The following MS4A4E variants were observed in gnomAD, a reference collection of about 807,000 sequenced individuals.
MS4A4E encodes the protein membrane spanning 4-domains A4E, also known as putative membrane-spanning 4-domains subfamily A member 4E.
In MS4A4E, 23 loss-of-function variants were observed where a neutral mutation model predicts 13.3. The ratio of observed to expected loss-of-function variants is 1.73; its 90% CI spans 1.25 to 2.45. The LOEUF is 2.45. Among genes scored for constraint, MS4A4E ranks in the 30% most tolerant of loss-of-function variants. The pLI is 0.00. For missense variants in MS4A4E, 144 were observed against 131.2 expected, an observed-to-expected ratio of 1.10 and a Z score of -0.48; for synonymous variants, 36 against 45.6, an observed-to-expected ratio of 0.79 and a Z score of 0.85.
rs765921315 is a variant in MS4A4E at position 60,230,025 on chromosome 11, T to C, written c.31A>G (p.Thr11Ala). Residue 11 changes from threonine to alanine, a missense_variant, in exon 2 of 9, where the codon ACT becomes GCT. By Grantham distance (58) the Thr-to-Ala change is moderately conservative (BLOSUM62 0). Coordinates refer to ENST00000651255, the MANE Select transcript of MS4A4E (RefSeq NM_001393391.1). MTTMQGMEQT[T>A]PGAGPDVPQL... ...GGCACATCAGGGCCAGCCCCTGGAG[T>C]GGTCTGTTCCATTCCTTGCATGGTT... 6.2e-7 allele frequency: 1 copy of C among 1,609,468 alleles called. No individual in the cohort carries two copies. The highest frequency in any genetic ancestry group is 2.2e-5 in the East Asian group (1 of 44,464).
At chr11:60,210,032 A>G (rs1281296878) in intron 5 of MS4A4E, among the ~76,000 whole-genome samples, 1 of 152,268 alleles carries the variant, frequency 6.6e-6, no homozygotes, top group Admixed American at 6.5e-5. Context: ...CTAGAAGTGT[A>G]GACTAGAAGA....
At chr11:60,220,075 C>T (rs555647476) in intron 3 of MS4A4E, among the ~76,000 whole-genome samples, 2 of 152,154 alleles carry the variant, frequency 1.3e-5, no homozygotes, top group Non-Finnish European at 2.9e-5. Context: ...ATTAGAGCTG[C>T]CTCTACCTAG....
chr11:60,200,451 T>C lies in MS4A4E; in HGVS notation c.*1092A>G, dbSNP rs997979896. Among the ~76,000 whole-genome samples, 11 of 152,116 alleles carry C rather than the reference T, an allele frequency of 7.2e-5. No individual in the cohort carries two copies. Among genetic ancestry groups the C allele is most frequent in the Admixed American group, 3.9e-4 (6 of 15,262 alleles). Reference sequence around the variant, plus strand: ...AGGACCCTGCGGCCTTCCGAGGTGTTTGTGTCCCTGGGTACTTGAGATTAG... The same window carrying C: ...AGGACCCTGCGGCCTTCCGAGGTGTCTGTGTCCCTGGGTACTTGAGATTAG... On this transcript the variant is annotated 3_prime_UTR_variant, in exon 9 of 9. Coordinates refer to ENST00000651255, the MANE Select transcript of MS4A4E (RefSeq NM_001393391.1).
chr11:60,214,605 G>T lies in MS4A4E; in HGVS notation c.188C>A (p.Ser63Ter). The T allele has an allele frequency of 1.3e-6, 2 of 1,527,714 alleles. No homozygotes were observed. The highest frequency in any genetic ancestry group is 1.8e-6 in the Non-Finnish European group (2 of 1,141,754). The allele number at this position is 1,527,714 out of a possible 1,614,324, so 94.6% of individuals were successfully genotyped here. ...HKFSTHSVSL[S>*]VAAGIRTTKG... ...TGTTGTTCTAATTCCTGCTGCAACT[G>T]ATAAGGATACTGAAATAATAAAATA... The change falls in exon 4 of 9, where the codon TCA becomes TAA. Residue 63 changes from serine to a stop codon, truncating the protein, a stop_gained. Transcript: ENST00000651255. LOFTEE classifies it high-confidence loss of function.
At chr11:60,224,883 A>G (rs929978274) in intron 3 of MS4A4E, 12 of 1,187,462 alleles carry the variant, frequency 1.0e-5, no homozygotes, top group Non-Finnish European at 1.2e-5. Flanking sequence ...TACAAGATAG[A>G]ATTAGAATAA....
At chr11:60,203,130 TATA>T (rs1590700720) in intron 8 of MS4A4E, among the ~76,000 whole-genome samples, 5 of 152,340 alleles carry the variant, frequency 3.3e-5, no homozygotes. Flanking sequence ...TATTTAAAAG[TATA>T]ATAACTGCTT....
At chr11:60,220,308 G>A (rs925402967) in intron 3 of MS4A4E, among the ~76,000 whole-genome samples, 2 of 152,166 alleles carry the variant, frequency 1.3e-5, no homozygotes, top group South Asian at 2.1e-4. Flanking sequence ...TACCAGATGT[G>A]GTTTCATTGC....
intron 3 of MS4A4E, among the ~76,000 whole-genome samples, chr11:60,225,661 C>T (rs189704091): frequency 9.7e-4 from 147 of 151,824 alleles, no homozygotes; most frequent in Non-Finnish European, 1.7e-3. Context: ...GAAAGCAGTG[C>T]TTAGAAAAAA....
At chr11:60,203,261 C>T (rs185655481) in intron 8 of MS4A4E, among the ~76,000 whole-genome samples, 224 of 152,216 alleles carry the variant, frequency 1.5e-3, no homozygotes, top group African/African-American at 5.2e-3. Flanking sequence ...CAGTATCACT[C>T]ACCATTCTTT....
At chr11:60,212,775 A>G (rs1162421600) in intron 5 of MS4A4E, among the ~76,000 whole-genome samples, 199 bp downstream of exon 5, 2 of 152,202 alleles carry the variant, frequency 1.3e-5, no homozygotes, top group African/African-American at 4.8e-5. Context: ...ATTTTGCCTC[A>G]TCACATATAG....
chr11:60,223,781 G>A (rs1369535787), intron 3 of MS4A4E, among the ~76,000 whole-genome samples: 1 of 152,170 alleles, frequency 6.6e-6, no homozygotes, highest in Non-Finnish European at 1.5e-5. Flanking sequence ...CAGATTTCAA[G>A]TTCTTCAGCT....
chr11:60,213,526 T>C (rs1411108805), intron 4 of MS4A4E, among the ~76,000 whole-genome samples: 1 of 152,216 alleles, frequency 6.6e-6, no homozygotes, highest in Non-Finnish European at 1.5e-5. Context: ...CGGTTGTGTA[T>C]TCCTTTTTGT....
At chr11:60,205,995 T>G (rs573073629) in intron 6 of MS4A4E, among the ~76,000 whole-genome samples, 175 bp from the exon 7 acceptor site, 13 of 152,318 alleles carry the variant, frequency 8.5e-5, no homozygotes, top group Non-Finnish European at 1.5e-4. Context: ...TGATCCTTCA[T>G]ATGATTTTTA....
In MS4A4E at chr11:60,200,536, C is replaced by T. The variant is rs989612501; in HGVS notation, c.*1007G>A. ...TCAAGCATCTGTTTAACAAAGCACA[C>T]CTTGCACCGCCCTTAATCCATTTAA... is the stretch of plus-strand genomic sequence containing the variant. On this transcript the variant is annotated 3_prime_UTR_variant, in exon 9 of 9. Transcript: ENST00000651255. 9.2e-5 allele frequency among the ~76,000 whole-genome samples: 14 copies of T among 152,194 alleles called. No homozygotes were observed. The highest frequency in any genetic ancestry group is 8.3e-4 in the South Asian group (4 of 4,822).
At position 60,223,950 on chromosome 11, in the gene MS4A4E, T is replaced by C. The variant is rs550923836; in HGVS notation, c.178+4644A>G. Among the ~76,000 whole-genome samples, 10 of 152,242 alleles carry C rather than the reference T, an allele frequency of 6.6e-5. No homozygotes were observed. In the South Asian group the frequency reaches 2.1e-3, roughly 32 times the overall value. On this transcript the variant is annotated intron_variant, in intron 3 of 8. Transcript: ENST00000651255. ...TGTCCCTCTAGAGAACCCTGACTAATACACTCTCCTTCAAATCTTTCACTT... is the reference window on the plus strand; with the variant it reads ...TGTCCCTCTAGAGAACCCTGACTAACACACTCTCCTTCAAATCTTTCACTT...
intron 2 of MS4A4E, among the ~76,000 whole-genome samples, chr11:60,229,015 C>G (rs971537992): frequency 1.3e-5 from 2 of 152,138 alleles, no homozygotes; most frequent in Non-Finnish European, 2.9e-5. Flanking sequence ...AGAGAATGAA[C>G]CCCATTGTGA....
intron 1 of MS4A4E, among the ~76,000 whole-genome samples, chr11:60,236,559 G>C (rs553272559): frequency 6.6e-6 from 1 of 151,874 alleles, no homozygotes; most frequent in African/African-American, 2.4e-5. Flanking sequence ...AAAGGAGATT[G>C]TTGTCTTAAT....
At chr11:60,220,458 C>G (rs1195943961) in intron 3 of MS4A4E, among the ~76,000 whole-genome samples, 2 of 152,224 alleles carry the variant, frequency 1.3e-5, no homozygotes, top group Non-Finnish European at 2.9e-5. Flanking sequence ...CCTTTACTGT[C>G]CTACCTCAGG....
chr11:60,202,759 A>G (rs1356614304), intron 8 of MS4A4E, among the ~76,000 whole-genome samples: 1 of 152,236 alleles, frequency 6.6e-6, no homozygotes, highest in Non-Finnish European at 1.5e-5. Flanking sequence ...CATCTGTAGA[A>G]GTTAAATACT....
Sources: gnomAD v4.1 joint callset for allele counts (sites outside exome capture counted in the v4.1 genomes callset) on GRCh38, gnomAD v4.1.1 for gene constraint, MANE v1.5 for transcripts, NCBI Gene and HGNC (gene_info 2026-07-23, HGNC 2026-07-21) for gene names.